Variants in CPEB3 observed in about 807,000 individuals in gnomAD.
CPEB3 encodes the protein cytoplasmic polyadenylation element-binding protein 3.
In CPEB3, 20 loss-of-function variants were observed where a neutral mutation model predicts 67.2. The observed-to-expected ratio is 0.30, with a 90% CI of 0.21 to 0.43. The LOEUF (loss-of-function observed/expected upper bound fraction) is 0.43, where lower values mean the gene tolerates loss of function less well. Among genes scored for constraint, CPEB3 ranks in the 20% least tolerant of loss-of-function variants. The pLI is 1.00. For synonymous variants in CPEB3, 376 were observed against 393.1 expected, an observed-to-expected ratio of 0.96 and a Z score of 0.51; for missense variants, 746 against 968.6, an observed-to-expected ratio of 0.77 and a Z score of 3.05.
chr10:92,186,043 C>T (rs1193298309), intron 3 of CPEB3, among the ~76,000 whole-genome samples: 1 of 151,858 alleles, frequency 6.6e-6, no homozygotes, highest in African/African-American at 2.4e-5. Context: ...TCTGTTTCCT[C>T]ATTTAATAAA....
intron 2 of CPEB3, among the ~76,000 whole-genome samples, chr10:92,202,676 T>C (rs546164485): frequency 2.6e-5 from 4 of 151,748 alleles, no homozygotes; most frequent in African/African-American, 4.8e-5. Flanking sequence ...ACATATTATC[T>C]ATAGAAATAG....
intron 9 of CPEB3, among the ~76,000 whole-genome samples, chr10:92,065,228 T>G (rs1842501101): frequency 6.6e-6 from 1 of 152,200 alleles, no homozygotes; most frequent in Non-Finnish European, 1.5e-5. Context: ...AATTTTTAAT[T>G]TTACTTTTGA....
intron 2 of CPEB3, among the ~76,000 whole-genome samples, chr10:92,226,287 G>A (rs1172037698): frequency 1.3e-5 from 2 of 152,174 alleles, no homozygotes; most frequent in Non-Finnish European, 2.9e-5. Context: ...TCTGATTCAA[G>A]TACAAACTCT....
In CPEB3 at chr10:92,240,024, G is replaced by A. The variant is rs749569666; in HGVS notation, c.327C>T (p.Ser109=). ...CGTTGGTGGTGCCCGTGGACCAGGT[G>A]CTGCCGAAGGACGGCGACAGCGACG... is the stretch of plus-strand genomic sequence containing the variant. The part of the protein sequence containing the change: ...PGASLSPSFG[S]TWSTGTTNAV... The change falls in exon 2 of 10, where the codon AGC becomes AGT. Residue 109 remains serine, a synonymous_variant. Transcript: ENST00000265997. 1.2e-6 allele frequency: 2 copies of A among 1,606,806 alleles called. No individual in the cohort carries two copies. Among genetic ancestry groups the A allele is most frequent in the East Asian group, 2.2e-5 (1 of 44,538 alleles).
intron 2 of CPEB3, among the ~76,000 whole-genome samples, chr10:92,193,475 T>G (rs78354047): frequency 6.6e-6 from 1 of 151,992 alleles, no homozygotes; most frequent in South Asian, 2.1e-4. Context: ...TTTTTTTTTT[T>G]GAGACAAGGT....
intron 1 of CPEB3, among the ~76,000 whole-genome samples, chr10:92,267,413 T>G (rs889623760): frequency 6.6e-6 from 1 of 152,160 alleles, no homozygotes; most frequent in African/African-American, 2.4e-5. Context: ...AGAGGGTAAG[T>G]GGACCAGAAG....
intron 9 of CPEB3, among the ~76,000 whole-genome samples, chr10:92,059,934 C>A (rs1187065447): frequency 7.6e-6 from 1 of 132,078 alleles, no homozygotes; most frequent in African/African-American, 3.0e-5. Context: ...TCCAGCCTGG[C>A]GACAGAGCGA....
intron 1 of CPEB3, among the ~76,000 whole-genome samples, chr10:92,290,655 A>G (rs1196050682): frequency 6.6e-6 from 1 of 152,034 alleles, no homozygotes; most frequent in Non-Finnish European, 1.5e-5. Context: ...CGCCCCCTCA[A>G]GAAGAACCTC....
At chr10:92,203,528 A>ATTT (rs1298232679) in intron 2 of CPEB3, among the ~76,000 whole-genome samples, 6 of 93,894 alleles carry the variant, frequency 6.4e-5, no homozygotes, top group Non-Finnish European at 1.2e-4. Flanking sequence ...ATATATATAT[A>ATTT]TTTTTTTTTT....
chr10:92,181,054 T>A, intron 3 of CPEB3, 35 bp from the exon 4 acceptor site: 2 of 1,110,666 alleles, frequency 1.8e-6, no homozygotes, highest in South Asian at 1.3e-5. Flanking sequence ...AAAAAGAATG[T>A]TTAATGTAAT....
At position 92,081,458 on chromosome 10, in the gene CPEB3, G is replaced by T; in HGVS notation, c.1731C>A (p.Cys577Ter). 1.2e-6 allele frequency: 2 copies of T among 1,613,978 alleles called. No individual in the cohort carries two copies. Among genetic ancestry groups the T allele is most frequent in the Non-Finnish European group, 1.7e-6 (2 of 1,180,004 alleles). ...CTGGGTCCGTATCAATGCCAGCATA[G>T]CAGACACCACCGTACAAACGGTCCA... ...MIMDRLYGGV[C>*]YAGIDTDPEL... The change falls in exon 9 of 10, where the codon TGC (cysteine) becomes TGA (stop). Residue 577 changes from cysteine to a stop codon, truncating the protein, a stop_gained. Coordinates refer to ENST00000265997, the MANE Select transcript of CPEB3 (RefSeq NM_014912.5). LOFTEE classifies it high-confidence loss of function.
chr10:92,052,093 T>TC lies in CPEB3; in HGVS notation c.*118dup, dbSNP rs1354850128. On this transcript the variant is annotated 3_prime_UTR_variant, in exon 10 of 10. Transcript: ENST00000265997. ...AATAATAATAAAAAGACCCAATTCT[T>TC]CTTTAAAAATCGAGAACGAATGCAC... The TC allele has an allele frequency of 1.6e-6, 1 of 628,326 alleles. No individual in the cohort carries two copies. The highest frequency in any genetic ancestry group is 2.9e-5 in the Admixed American group (1 of 34,102). The allele number at this position is 628,326 out of a possible 1,614,324, so 38.9% of individuals were successfully genotyped here.
intron 2 of CPEB3, among the ~76,000 whole-genome samples, chr10:92,205,348 C>T (rs1159684646): frequency 2.0e-5 from 3 of 152,044 alleles, no homozygotes; most frequent in East Asian, 3.8e-4. Context: ...TTAATATGTG[C>T]CAGACCCTGT....
At chr10:92,261,109 T>C (rs1035235910) in intron 1 of CPEB3, among the ~76,000 whole-genome samples, 13 of 152,000 alleles carry the variant, frequency 8.6e-5, no homozygotes, top group South Asian at 2.1e-4. Flanking sequence ...AAAAGGGCAA[T>C]AGTCAATATG....
rs376303937 is a variant in CPEB3 at position 92,210,809 on chromosome 10, G to A, written c.1006-18173C>T. On this transcript the variant is annotated intron_variant, in intron 2 of 9. Coordinates refer to ENST00000265997, the MANE Select transcript of CPEB3 (RefSeq NM_014912.5). ...TCCCAGCACTTTGGGAGGCCAAGGC[G>A]GGCGGATTACTTGAGGTCAGGAGTT... Among the ~76,000 whole-genome samples the A allele has an allele frequency of 3.5e-4, 54 of 152,130 alleles. 1 individual carries two copies. Among genetic ancestry groups the A allele is most frequent in the African/African-American group, 1.3e-3 (53 of 41,420 alleles).
chr10:92,113,335 A>T (rs959552328), intron 6 of CPEB3, among the ~76,000 whole-genome samples: 6 of 152,198 alleles, frequency 3.9e-5, no homozygotes, highest in Non-Finnish European at 8.8e-5. Context: ...GGTGCCAGGG[A>T]ATCTTAAAAA....
At chr10:92,083,565 T>C (rs971767775) in intron 8 of CPEB3, among the ~76,000 whole-genome samples, 1 of 152,216 alleles carries the variant, frequency 6.6e-6, no homozygotes, top group Non-Finnish European at 1.5e-5. Context: ...TAATTGTTAA[T>C]TGCAGTCATT....
In CPEB3 at chr10:92,086,467, G is replaced by A. The variant is rs80301298; in HGVS notation, c.1688-4966C>T. On this transcript the variant is annotated intron_variant, in intron 8 of 9. Coordinates refer to ENST00000265997, the MANE Select transcript of CPEB3 (RefSeq NM_014912.5). ...TGGTACCAAGTAGACTGTTACTACT[G>A]TTACTGAGACAACATCTCAGATCTC... is the stretch of plus-strand genomic sequence containing the variant. 2.1e-3 allele frequency among the ~76,000 whole-genome samples: 325 copies of A among 152,316 alleles called. 1 individual carries two copies. The highest frequency in any genetic ancestry group is 7.3e-3 in the African/African-American group (304 of 41,570).
intron 2 of CPEB3, among the ~76,000 whole-genome samples, chr10:92,200,293 C>A (rs1849456550): frequency 6.6e-6 from 1 of 152,088 alleles, no homozygotes; most frequent in Non-Finnish European, 1.5e-5. Context: ...GCCTGTAATC[C>A]CAGCACTTTG....
Sources: gnomAD v4.1 joint callset for allele counts (sites outside exome capture counted in the v4.1 genomes callset) on GRCh38, gnomAD v4.1.1 for gene constraint, MANE v1.5 for transcripts, NCBI Gene and HGNC (gene_info 2026-07-23, HGNC 2026-07-21) for gene names.